COCH: variants seen among roughly 807,000 people sequenced by gnomAD.
COCH encodes cochlin.
In COCH, 40 loss-of-function variants were observed where a neutral mutation model predicts 54.8. That is an observed-to-expected ratio of 0.73 (90% CI 0.57 to 0.95). The LOEUF (loss-of-function observed/expected upper bound fraction) is 0.95, where lower values mean the gene tolerates loss of function less well. COCH is among the 40% of genes least tolerant of loss of function. The pLI is 0.00. For missense variants in COCH, 605 were observed against 675.0 expected (o/e 0.90, Z 1.15); for synonymous variants, 256 against 237.9 (o/e 1.08, Z -0.70).
Position 30,877,379 on chromosome 14 carries a change from C to A in COCH, c.83-193C>A. 3.2e-6 allele frequency: 2 copies of A among 634,106 alleles called. No individual in the cohort carries two copies. The highest frequency in any genetic ancestry group is 5.4e-6 in the Non-Finnish European group (2 of 372,596). 39.3% of individuals were successfully genotyped at this position (634,106 alleles called of 1,614,324 possible). ...ATTAGAGTTTTATAGTGGCTGGGGA[C>A]TATATTAAATTGGAAAACAACCTTG... On this transcript the variant is annotated intron_variant, in intron 3 of 11. Transcript: ENST00000396618. The surrounding 1 kb of genome is among the most constrained non-coding windows in gnomAD (Gnocchi z 8.6).
downstream of COCH, chr14:30,895,497 CA>C: frequency 6.2e-7 from 1 of 1,614,046 alleles, no homozygotes; most frequent in Non-Finnish European, 8.5e-7. Flanking sequence ...TAAATTGATT[CA>C]TCCAATTTCT....
chr14:30,893,119 A>T (rs1471185427), downstream of COCH, among the ~76,000 whole-genome samples: 1 of 144,790 alleles, frequency 6.9e-6, no homozygotes, highest in Non-Finnish European at 1.5e-5. Context: ...GAAATGGCAA[A>T]AACCACAATT....
Position 30,890,208 on chromosome 14 carries a change from C to T in COCH, c.*417C>T. 1 of 990,834 alleles carries T rather than the reference C, an allele frequency of 1.0e-6. No individual in the cohort carries two copies. The highest frequency in any genetic ancestry group is 1.2e-6 in the Non-Finnish European group (1 of 833,036). 61.4% of individuals were successfully genotyped at this position (990,834 alleles called of 1,614,324 possible). The stretch of plus-strand genomic sequence containing the variant: ...AAATGAAAAGAGAAACTTAAATGAA[C>T]ACAGCTCTTTAACATGGTTCAGGTA... On this transcript the variant is annotated 3_prime_UTR_variant, in exon 12 of 12. Coordinates refer to ENST00000396618, the MANE Select transcript of COCH (RefSeq NM_004086.3).
chr14:30,895,417 A>G, downstream of COCH: 1 of 1,602,572 alleles, frequency 6.2e-7, no homozygotes, highest in Non-Finnish European at 8.5e-7. Flanking sequence ...TGATTCATAC[A>G]AATACTTTGG....
At chr14:30,874,664 C>T in intron 1 of COCH, 73 bp downstream of exon 1, 1 of 586,348 alleles carries the variant, frequency 1.7e-6, no homozygotes, top group African/African-American at 1.9e-5. Flanking sequence ...TTTGTCGCTC[C>T]CAGCCTGTCT....
In COCH at chr14:30,884,823, A is replaced by C; in HGVS notation, c.733+167A>C. On this transcript the variant is annotated intron_variant, in intron 9 of 11. Transcript: ENST00000396618. The stretch of plus-strand genomic sequence containing the variant: ...ATCTGAGATAAATTTTCAATTTATA[A>C]TGGAAGTATACCAAAGTGTTGATAT... 8 of 1,402,516 alleles carry C rather than the reference A, an allele frequency of 5.7e-6. No individual in the cohort carries two copies. In the South Asian group the frequency reaches 1.1e-4, roughly 20 times the overall value. The allele number at this position is 1,402,516 out of a possible 1,614,324, so 86.9% of individuals were successfully genotyped here.
At chr14:30,893,178 CGG>C (rs1487052382), downstream of COCH, among the ~76,000 whole-genome samples, 448 of 105,584 alleles carry the variant, frequency 4.2e-3, 5 homozygotes, top group African/African-American at 0.016. Context: ...TTTTTTGAGA[CGG>C]AGTCTCTGTC....
chr14:30,878,704 C>CTTGAT, intron 4 of COCH, 107 bp from the exon 5 acceptor site: 1 of 1,486,306 alleles, frequency 6.7e-7, no homozygotes, highest in Non-Finnish European at 9.3e-7. Flanking sequence ...CCCTGATGAG[C>CTTGAT]TATTTTCTTG....
intron 11 of COCH, among the ~76,000 whole-genome samples, chr14:30,886,516 G>A (rs931650285): frequency 6.6e-6 from 1 of 152,174 alleles, no homozygotes; most frequent in African/African-American, 2.4e-5. Context: ...AAGTGGCAAG[G>A]CCAAGATCCA....
At chr14:30,885,044 A>C (rs990954538) in intron 9 of COCH, 5 of 1,596,426 alleles carry the variant, frequency 3.1e-6, no homozygotes, top group Non-Finnish European at 4.2e-6. Flanking sequence ...TCTTAGAGGT[A>C]CTAATCAGTC....
In COCH at chr14:30,878,931, T is replaced by C; in HGVS notation, c.360T>C (p.Ser120=). 1.2e-6 allele frequency: 2 copies of C among 1,614,138 alleles called. No homozygotes were observed. Among genetic ancestry groups the C allele is most frequent in the East Asian group, 4.5e-5 (2 of 44,878 alleles). The part of the protein sequence containing the change: ...QSQMLSRWSA[S]FTVTKGKSST... ...AAATGCTTTCTAGATGGTCTGCTTC[T>C]TTCACAGTAACTAGTAGGTATAATT... Residue 120 remains serine, a synonymous_variant, in exon 5 of 12, where the codon TCT becomes TCC. Transcript: ENST00000396618.
chr14:30,887,898 G>C (rs28362784), intron 11 of COCH, among the ~76,000 whole-genome samples: 375 of 152,204 alleles, frequency 2.5e-3, no homozygotes, highest in African/African-American at 8.0e-3. Flanking sequence ...TTAATACTTA[G>C]CTTACTGAAC....
Position 30,886,020 on chromosome 14 carries a change from G to C in COCH, c.1185G>C (p.Lys395Asn). 6.2e-7 allele frequency: 1 copy of C among 1,614,208 alleles called. No individual in the cohort carries two copies. The highest frequency in any genetic ancestry group is 8.5e-7 in the Non-Finnish European group (1 of 1,180,034). ...LMLEFVSNIA[K>N]TFEISDIGAK... ...TTGAATTTGTTTCCAACATAGCCAAGACTTTTGAAATCTCGGACATTGGTG... is the reference window on the plus strand; with the variant it reads ...TTGAATTTGTTTCCAACATAGCCAACACTTTTGAAATCTCGGACATTGGTG... Residue 395 changes from lysine (K) to asparagine (N), a missense_variant, in exon 11 of 12, where the codon AAG (lysine) becomes AAC (asparagine). Lys to Asn is a moderately conservative substitution (Grantham distance 94, BLOSUM62 0). Transcript: ENST00000396618.
At position 30,878,874 on chromosome 14, in the gene COCH, T is replaced by C. The variant is rs758053398; in HGVS notation, c.303T>C (p.Tyr101=). 1 of 1,614,142 alleles carries C rather than the reference T, an allele frequency of 6.2e-7. No homozygotes were observed. Among genetic ancestry groups the C allele is most frequent in the Non-Finnish European group, 8.5e-7 (1 of 1,180,008 alleles). Residue 101 remains tyrosine, a synonymous_variant, in exon 5 of 12, where the codon TAT becomes TAC. Transcript: ENST00000396618. The stretch of plus-strand genomic sequence containing the variant: ...ATAGCCTACCTGGTCGAGAAAACTA[T>C]TCCTCAGTAGATGCCAATGGCATCC... The part of the protein sequence containing the change: ...RVYSLPGREN[Y]SSVDANGIQS...
At chr14:30,887,679 C>G (rs1895838358) in intron 11 of COCH, among the ~76,000 whole-genome samples, 1 of 152,108 alleles carries the variant, frequency 6.6e-6, no homozygotes. Flanking sequence ...CTCATTTTCC[C>G]TACTTAATTC....
Position 30,879,468 on chromosome 14 carries a change from C to T in COCH, c.419C>T (p.Thr140Ile). 1 of 1,614,100 alleles carries T rather than the reference C, an allele frequency of 6.2e-7. No homozygotes were observed. Among genetic ancestry groups the T allele is most frequent in the Non-Finnish European group, 8.5e-7 (1 of 1,179,982 alleles). Residue 140 changes from threonine (T) to isoleucine (I), a missense_variant, in exon 6 of 12, where the codon ACA becomes ATA. By Grantham distance (89) the Thr-to-Ile change is moderately conservative (BLOSUM62 -1). Coordinates refer to ENST00000396618, the MANE Select transcript of COCH (RefSeq NM_004086.3). ...TQEATGQAVS[T>I]AHPPTGKRLK... is the part of the protein sequence containing the mutation. ...GAGGCCACAGGACAAGCAGTGTCCA[C>T]AGCACATCCACCAACAGGTATGAAC...
At chr14:30,886,553 C>T (rs572716934) in intron 11 of COCH, among the ~76,000 whole-genome samples, 38 of 152,316 alleles carry the variant, frequency 2.5e-4, no homozygotes, top group Admixed American at 2.4e-3. Context: ...CTCCAGAGTG[C>T]ACATTCCTAA....
chr14:30,886,910 G>A (rs897674952), intron 11 of COCH, among the ~76,000 whole-genome samples: 2 of 152,052 alleles, frequency 1.3e-5, no homozygotes, highest in Non-Finnish European at 1.5e-5. Context: ...GGGGAGAGAC[G>A]GGGGTCTCAC....
intron 11 of COCH, among the ~76,000 whole-genome samples, chr14:30,886,604 C>T (rs542219236): frequency 6.6e-6 from 1 of 152,312 alleles, no homozygotes; most frequent in African/African-American, 2.4e-5. Context: ...AACCATGTCA[C>T]ATTAAGGAAA....
Sources: gnomAD v4.1 joint callset for allele counts (sites outside exome capture counted in the v4.1 genomes callset) on GRCh38, gnomAD v4.1.1 for gene constraint, Gnocchi (gnomAD v3.1) non-coding constraint, MANE v1.5 for transcripts, NCBI Gene and HGNC (gene_info 2026-07-23, HGNC 2026-07-21) for gene names.